RLN2: variants seen among roughly 807,000 people sequenced by gnomAD.
RLN2 encodes the protein prorelaxin H2.
A neutral mutation model predicts 7.3 loss-of-function variants in RLN2; 10 were observed. The ratio of observed to expected loss-of-function variants is 1.36; its 90% CI spans 0.84 to 2.31. The LOEUF is 2.31. RLN2 is among the 30% of genes most tolerant of loss of function. The pLI is 0.00. For missense variants in RLN2, 298 were observed against 217.6 expected, an observed-to-expected ratio of 1.37 and a Z score of -2.32; for synonymous variants, 103 against 82.3, an observed-to-expected ratio of 1.25 and a Z score of -1.36.
intron 1 of RLN2, 122 bp downstream of exon 1, chr9:5,304,248 C>G (rs1175330506): frequency 1.5e-6 from 1 of 652,406 alleles, no homozygotes; most frequent in African/African-American, 2.3e-5. Flanking sequence ...TGAGTAGGGG[C>G]TGAGCGGTGG....
At chr9:5,326,538 G>A in the RLN2 span, among the ~76,000 whole-genome samples, 1 of 152,020 alleles carries the variant, frequency 6.6e-6, no homozygotes, top group Non-Finnish European at 1.5e-5. Context: ...CAGTGTGGAG[G>A]GTCAGACTCA....
At chr9:5,322,807 G>C in the RLN2 span, among the ~76,000 whole-genome samples, 4 of 151,876 alleles carry the variant, frequency 2.6e-5, no homozygotes. Flanking sequence ...TTTAAAAGAA[G>C]GCGCCACATG....
chr9:5,322,670 A>T, the RLN2 span, among the ~76,000 whole-genome samples: 2 of 151,930 alleles, frequency 1.3e-5, no homozygotes, highest in African/African-American at 4.8e-5. Flanking sequence ...TCTCCACTGC[A>T]TCCCAACCCA....
At chr9:5,307,727 CCTTT>C (rs1454711827), upstream of RLN2, among the ~76,000 whole-genome samples, 1 of 152,004 alleles carries the variant, frequency 6.6e-6, no homozygotes, top group African/African-American at 2.4e-5. Flanking sequence ...ATAGAGCACT[CCTTT>C]CAGCTTTGTC....
chr9:5,300,227 G>C lies in RLN2; in HGVS notation c.429C>G (p.Ser143Arg). 6.2e-7 allele frequency: 1 copy of C among 1,613,824 alleles called. No individual in the cohort carries two copies. Among genetic ancestry groups the C allele is most frequent in the Non-Finnish European group, 8.5e-7 (1 of 1,179,762 alleles). ...CTAAGTATTTTAATTCTGAAGGACT[G>C]CTGTCTGCGGCTTCACTTTGTCTAT... ...IRNRQSEAADSSPSELKYLGL... is the reference protein window; with the variant it reads ...IRNRQSEAADRSPSELKYLGL... The change falls in exon 2 of 2, where the codon AGC becomes AGG. Residue 143 changes from serine (S) to arginine (R), a missense_variant. Transcript: ENST00000381627.
At chr9:5,317,299 C>T in the RLN2 span, among the ~76,000 whole-genome samples, 3 of 151,796 alleles carry the variant, frequency 2.0e-5, no homozygotes, top group East Asian at 5.8e-4. Context: ...CAAGATTCAA[C>T]TACGTGCAGC....
At chr9:5,334,162 C>G in the RLN2 span, among the ~76,000 whole-genome samples, 235 of 152,064 alleles carry the variant, frequency 1.5e-3, 4 homozygotes, top group African/African-American at 5.2e-3. Flanking sequence ...GTTGGAAGTT[C>G]TAGCCAGGTC....
chr9:5,320,983 G>A, the RLN2 span, among the ~76,000 whole-genome samples: 64 of 152,204 alleles, frequency 4.2e-4, 1 homozygote, highest in South Asian at 0.013. Flanking sequence ...TTTTCAGTGA[G>A]TTGAAGAATC....
At chr9:5,328,425 T>C in the RLN2 span, among the ~76,000 whole-genome samples, 2 of 151,868 alleles carry the variant, frequency 1.3e-5, no homozygotes, top group African/African-American at 4.8e-5. Context: ...AAAGAACAAA[T>C]ATACGTTAGT....
At chr9:5,329,788 T>TA in the RLN2 span, among the ~76,000 whole-genome samples, 1 of 151,868 alleles carries the variant, frequency 6.6e-6, no homozygotes, top group Non-Finnish European at 1.5e-5. Context: ...TAAAGAGACT[T>TA]AGACTCCCAC....
chr9:5,304,246 G>T, intron 1 of RLN2, 124 bp downstream of exon 1: 1 of 645,410 alleles, frequency 1.5e-6, no homozygotes, highest in Non-Finnish European at 2.6e-6. Flanking sequence ...GCTGAGTAGG[G>T]GCTGAGCGGT....
the RLN2 span, among the ~76,000 whole-genome samples, chr9:5,333,287 A>G: frequency 6.6e-6 from 1 of 151,932 alleles, no homozygotes; most frequent in African/African-American, 2.4e-5. Context: ...CAACACTGAT[A>G]AAGAAGAAAA....
the RLN2 span, among the ~76,000 whole-genome samples, chr9:5,336,260 A>G: frequency 3.9e-5 from 6 of 152,082 alleles, no homozygotes; most frequent in African/African-American, 9.7e-5. Context: ...AAGATCACTA[A>G]CCAAAAATCA....
At chr9:5,335,262 T>C in the RLN2 span, 7 of 1,585,406 alleles carry the variant, frequency 4.4e-6, no homozygotes, top group Non-Finnish European at 6.0e-6. Context: ...CAGCAATATT[T>C]AGCAAGAGAC....
At chr9:5,333,248 T>A in the RLN2 span, among the ~76,000 whole-genome samples, 2 of 152,004 alleles carry the variant, frequency 1.3e-5, no homozygotes, top group African/African-American at 2.4e-5. Context: ...CTCTGGCCTC[T>A]GCCTGTTCAT....
At chr9:5,322,292 T>C in the RLN2 span, among the ~76,000 whole-genome samples, 1 of 152,042 alleles carries the variant, frequency 6.6e-6, no homozygotes, top group African/African-American at 2.4e-5. Flanking sequence ...AGGGCTTTAC[T>C]GCTCAGATTT....
chr9:5,318,126 C>T, the RLN2 span, among the ~76,000 whole-genome samples: 1 of 151,862 alleles, frequency 6.6e-6, no homozygotes. Context: ...CCTGCCTTGG[C>T]CTCCCAAAGT....
chr9:5,319,523 TG>T, the RLN2 span, among the ~76,000 whole-genome samples: 1 of 151,930 alleles, frequency 6.6e-6, no homozygotes, highest in Non-Finnish European at 1.5e-5. Flanking sequence ...CATCCTCCAG[TG>T]GTAGTTAAAT....
At chr9:5,308,225 G>A (rs138690730), upstream of RLN2, among the ~76,000 whole-genome samples, 122 of 152,090 alleles carry the variant, frequency 8.0e-4, 1 homozygote, top group Non-Finnish European at 4.9e-4. Flanking sequence ...AAGGGCCATC[G>A]TGATCTTCAA....
Sources: allele counts gnomAD v4.1 joint callset (sites outside exome capture counted in the v4.1 genomes callset), GRCh38; gene constraint gnomAD v4.1.1; transcripts MANE v1.5; gene names NCBI Gene and HGNC (gene_info 2026-07-23, HGNC 2026-07-21).